The following GRIN2A variants were observed in gnomAD, a reference collection of about 807,000 sequenced individuals.
The protein encoded by GRIN2A is glutamate ionotropic receptor NMDA type subunit 2A, also known as glutamate receptor ionotropic, NMDA 2A.
GRIN2A carries 22 observed loss-of-function variants against 113.4 expected under a neutral mutation model. The observed-to-expected ratio is 0.19, with a 90% CI of 0.14 to 0.28. The LOEUF is 0.28. Among genes scored for constraint, GRIN2A ranks in the 10% least tolerant of loss-of-function variants. The pLI, the probability that GRIN2A is intolerant of heterozygous loss-of-function variation, is 1.00. For synonymous variants in GRIN2A, 827 were observed against 738.4 expected, an observed-to-expected ratio of 1.12 and a Z score of -1.94; for missense variants, 1,502 against 1,887.0, an observed-to-expected ratio of 0.80 and a Z score of 3.78.
chr16:9,869,203 C>CCTTCACA (rs1230853360), intron 4 of GRIN2A, among the ~76,000 whole-genome samples: 7 of 152,306 alleles, frequency 4.6e-5, no homozygotes, highest in African/African-American at 1.7e-4. Context: ...GAAGGCAAGG[C>CCTTCACA]AGGAGGATCA....
chr16:9,804,554 G>C (rs932988527), intron 10 of GRIN2A, among the ~76,000 whole-genome samples: 2 of 152,082 alleles, frequency 1.3e-5, no homozygotes, highest in African/African-American at 4.8e-5. Flanking sequence ...TCAGGTCTGA[G>C]AACTGTGGGA....
At chr16:9,890,348 A>C (rs2043669726) in intron 4 of GRIN2A, among the ~76,000 whole-genome samples, 1 of 152,372 alleles carries the variant, frequency 6.6e-6, no homozygotes, top group South Asian at 2.1e-4. Context: ...GTATGAGATC[A>C]TCTGTAAATT....
chr16:10,169,455 T>C (rs991699685), intron 2 of GRIN2A, among the ~76,000 whole-genome samples: 1 of 152,184 alleles, frequency 6.6e-6, no homozygotes, highest in Admixed American at 6.5e-5. Flanking sequence ...GTGACCCAGT[T>C]CTGGCCACTG....
intron 12 of GRIN2A, among the ~76,000 whole-genome samples, chr16:9,765,680 G>T (rs948866347): frequency 6.6e-6 from 1 of 152,116 alleles, no homozygotes; most frequent in African/African-American, 2.4e-5. Context: ...AGAAAGACAT[G>T]GTTTAAACCC....
At chr16:9,813,685 A>G (rs1229770852) in intron 10 of GRIN2A, among the ~76,000 whole-genome samples, 1 of 147,844 alleles carries the variant, frequency 6.8e-6, no homozygotes. Flanking sequence ...AATTCCAAGA[A>G]CCCCACCCCC....
At chr16:9,954,092 T>C (rs1283354489) in intron 2 of GRIN2A, among the ~76,000 whole-genome samples, 1 of 152,204 alleles carries the variant, frequency 6.6e-6, no homozygotes, top group Non-Finnish European at 1.5e-5. Flanking sequence ...CCTTCTGTCC[T>C]AGACAGAGAA....
At chr16:10,113,646 G>A (rs550518804) in intron 2 of GRIN2A, among the ~76,000 whole-genome samples, 1 of 152,266 alleles carries the variant, frequency 6.6e-6, no homozygotes, top group African/African-American at 2.4e-5. Context: ...ATACACTACT[G>A]CATGTATAAA....
intron 4 of GRIN2A, among the ~76,000 whole-genome samples, chr16:9,877,044 T>A (rs1222192544): frequency 2.0e-5 from 3 of 152,180 alleles, no homozygotes; most frequent in Non-Finnish European, 4.4e-5. Context: ...CCATCATTCA[T>A]CCTAGGAACT....
At chr16:9,915,586 A>G (rs2141565030) in intron 3 of GRIN2A, among the ~76,000 whole-genome samples, 1 of 152,312 alleles carries the variant, frequency 6.6e-6, no homozygotes, top group South Asian at 2.1e-4. Flanking sequence ...ACCAATGGTA[A>G]GAGATGGGAC....
At chr16:10,075,366 T>C (rs943852070) in intron 2 of GRIN2A, among the ~76,000 whole-genome samples, 1 of 152,096 alleles carries the variant, frequency 6.6e-6, no homozygotes, top group African/African-American at 2.4e-5. Flanking sequence ...TGTATGCCTC[T>C]ACTTATATGG....
intron 2 of GRIN2A, among the ~76,000 whole-genome samples, chr16:9,939,943 G>GT (rs985717400): frequency 2.0e-5 from 3 of 151,808 alleles, no homozygotes; most frequent in African/African-American, 7.3e-5. Context: ...TTACAGCCAT[G>GT]TTTTTATTTT....
chr16:9,769,940 C>T (rs966974487), intron 11 of GRIN2A, among the ~76,000 whole-genome samples: 11 of 152,178 alleles, frequency 7.2e-5, no homozygotes, highest in African/African-American at 2.7e-4. Flanking sequence ...AAAGAGACAT[C>T]CAGCTGGCTC....
intron 2 of GRIN2A, among the ~76,000 whole-genome samples, chr16:10,138,845 T>A (rs2049259471): frequency 6.6e-6 from 1 of 152,238 alleles, no homozygotes; most frequent in Admixed American, 6.5e-5. Context: ...GCCATCATTA[T>A]CAGAATGTTT....
At chr16:10,157,473 G>C (rs1337981185) in intron 2 of GRIN2A, among the ~76,000 whole-genome samples, 3 of 152,136 alleles carry the variant, frequency 2.0e-5, no homozygotes, top group Middle Eastern at 3.2e-3. Context: ...AATACTACCA[G>C]AGACGGGTAA....
Position 9,755,873 on chromosome 16 carries a change from G to A in GRIN2A, c.*7276C>T, listed in dbSNP as rs1900331939. The stretch of plus-strand genomic sequence containing the variant: ...TGGAAAAGAAAAAAAAAAAGGAACA[G>A]ACCAAGAAGGAAAACAACAACAACA... On this transcript the variant is annotated 3_prime_UTR_variant, in exon 13 of 13. Transcript: ENST00000330684. The A allele has an allele frequency of 4.9e-6, 1 of 204,316 alleles. No individual in the cohort carries two copies. Among genetic ancestry groups the A allele is most frequent in the African/African-American group, 2.3e-5 (1 of 43,594 alleles). 12.7% of individuals were successfully genotyped at this position (204,316 alleles called of 1,614,324 possible).
intron 2 of GRIN2A, among the ~76,000 whole-genome samples, chr16:10,061,669 C>G (rs925566530): frequency 6.6e-6 from 1 of 152,268 alleles, no homozygotes; most frequent in South Asian, 2.1e-4. Flanking sequence ...CTAAGTGCCT[C>G]TTTTCCGAAC....
chr16:10,014,162 G>A (rs1452143760), intron 2 of GRIN2A, among the ~76,000 whole-genome samples: 1 of 152,186 alleles, frequency 6.6e-6, no homozygotes, highest in Non-Finnish European at 1.5e-5. Context: ...GTGTAGGGGA[G>A]TCTGACTTGT....
chr16:10,068,631 A>G (rs966578680), intron 2 of GRIN2A, among the ~76,000 whole-genome samples: 3 of 152,248 alleles, frequency 2.0e-5, no homozygotes, highest in Admixed American at 6.5e-5. Flanking sequence ...GGAGATTACA[A>G]TTCAACGTAA....
chr16:10,087,026 G>C lies in GRIN2A; in HGVS notation c.414+92972C>G, dbSNP rs188806430. Among the ~76,000 whole-genome samples, 264 of 152,314 alleles carry C rather than the reference G, an allele frequency of 1.7e-3. 1 individual carries two copies. Among genetic ancestry groups the C allele is most frequent in the African/African-American group, 6.2e-3 (256 of 41,556 alleles). ...ACCATGAATTGGGGAGGAGGAACAA[G>C]GAGTGGAGGAGAAGCTCCTGCTATA... On this transcript the variant is annotated intron_variant, in intron 2 of 12. Coordinates refer to ENST00000330684, the MANE Select transcript of GRIN2A (RefSeq NM_001134407.3).
Sources: allele counts gnomAD v4.1 joint callset (sites outside exome capture counted in the v4.1 genomes callset), GRCh38; gene constraint gnomAD v4.1.1; transcripts MANE v1.5; gene names NCBI Gene and HGNC (gene_info 2026-07-23, HGNC 2026-07-21).